ITGA4: variants seen among roughly 807,000 people sequenced by gnomAD.
The protein encoded by ITGA4 is integrin alpha-4.
Under a neutral mutation model 133.6 loss-of-function variants are expected in ITGA4, and 63 were observed. That is an observed-to-expected ratio of 0.47 (90% CI 0.38 to 0.58). The LOEUF (loss-of-function observed/expected upper bound fraction) is 0.58. Among genes scored for constraint, ITGA4 ranks in the 20% least tolerant of loss-of-function variants. The probability of loss-of-function intolerance (pLI) is 0.00; values close to 1 mark genes in which losing one functional copy is unlikely to be tolerated. For missense variants in ITGA4, 1,076 were observed against 1,252.7 expected (o/e 0.86, Z 2.13); for synonymous variants, 483 against 438.0 (o/e 1.10, Z -1.28).
At chr2:181,493,448 G>A (rs754783290) in intron 11 of ITGA4, 29 bp downstream of exon 11, 3 of 1,415,390 alleles carry the variant, frequency 2.1e-6, no homozygotes, top group Admixed American at 3.7e-5. Flanking sequence ...TCCAAAAGAA[G>A]CATTGGTTAT....
chr2:181,523,229 TAC>T lies in ITGA4; in HGVS notation c.2074-206_2074-205del, dbSNP rs918522917. The T allele has an allele frequency of 3.1e-5, 13 of 416,520 alleles. No homozygotes were observed. The highest frequency in any genetic ancestry group is 1.0e-4 in the African/African-American group (5 of 48,296). 25.8% of individuals were successfully genotyped at this position (416,520 alleles called of 1,614,324 possible). ...ACACATATATACACACATATATACATACATATATATACACATACATATATACA... is the reference window on the plus strand; with the variant it reads ...ACACATATATACACACATATATACATATATATATACACATACATATATACA... On this transcript the variant is annotated intron_variant, in intron 18 of 27. Transcript: ENST00000397033. The surrounding 1 kb of genome is among the most constrained non-coding windows in gnomAD (Gnocchi z 4.2).
chr2:181,536,849 A>C lies in ITGA4; in HGVS notation c.*1322A>C. 2.4e-6 allele frequency: 1 copy of C among 424,192 alleles called. No homozygotes were observed. The allele number at this position is 424,192 out of a possible 1,614,324, so 26.3% of individuals were successfully genotyped here. On this transcript the variant is annotated 3_prime_UTR_variant, in exon 28 of 28. Coordinates refer to ENST00000397033, the MANE Select transcript of ITGA4 (RefSeq NM_000885.6). ...TTTTATCTGACTCTGCCTTCATAAGAGAGCTGTGGCCGAATTTTGAACATC... is the reference window on the plus strand; with the variant it reads ...TTTTATCTGACTCTGCCTTCATAAGCGAGCTGTGGCCGAATTTTGAACATC...
chr2:181,471,581 T>C (rs1685552122), intron 2 of ITGA4, among the ~76,000 whole-genome samples: 1 of 152,186 alleles, frequency 6.6e-6, no homozygotes, highest in Admixed American at 6.5e-5. Flanking sequence ...ATAGGAGATA[T>C]TTGAAAATTA....
chr2:181,481,864 A>T (rs756948132), intron 7 of ITGA4, among the ~76,000 whole-genome samples, 181 bp downstream of exon 7: 12 of 152,170 alleles, frequency 7.9e-5, no homozygotes, highest in Non-Finnish European at 1.6e-4. Flanking sequence ...TTAGCAAAAA[A>T]CTTTCTGAAA....
Position 181,537,842 on chromosome 2 carries a change from A to ATTAGGATATCCGT in ITGA4, c.*2318_*2330dup. ...CTAATTGTTAGTAACATCAATTTCTATTAGGATATCCGTTTGGCCACACAG... is the reference window on the plus strand; with the variant it reads ...CTAATTGTTAGTAACATCAATTTCTATTAGGATATCCGTTTAGGATATCCGTTTGGCCACACAG... On this transcript the variant is annotated 3_prime_UTR_variant, in exon 28 of 28. Coordinates refer to ENST00000397033, the MANE Select transcript of ITGA4 (RefSeq NM_000885.6). 2.0e-6 allele frequency: 1 copy of ATTAGGATATCCGT among 492,346 alleles called. No homozygotes were observed. The highest frequency in any genetic ancestry group is 4.0e-6 in the Non-Finnish European group (1 of 252,402). The allele number at this position is 492,346 out of a possible 1,614,324, so 30.5% of individuals were successfully genotyped here.
rs1687169198 is a variant in ITGA4, at chr2:181,537,176, C to G, written c.*1649C>G. On this transcript the variant is annotated 3_prime_UTR_variant, in exon 28 of 28. Transcript: ENST00000397033. The stretch of plus-strand genomic sequence containing the variant: ...GCTAGTCATTCTTTCAGGAGAACAT[C>G]TAGGATCATAGATGAAAAATCAAGC... 1 of 453,890 alleles carries G rather than the reference C, an allele frequency of 2.2e-6. No homozygotes were observed. The highest frequency in any genetic ancestry group is 4.4e-6 in the Non-Finnish European group (1 of 226,642). The allele number at this position is 453,890 out of a possible 1,614,324, so 28.1% of individuals were successfully genotyped here.
chr2:181,503,424 G>A (rs776731032), intron 15 of ITGA4, among the ~76,000 whole-genome samples: 3 of 151,858 alleles, frequency 2.0e-5, no homozygotes, highest in Non-Finnish European at 2.9e-5. Context: ...ATTTTTCTGA[G>A]GCTATGTTTT....
chr2:181,538,001 A>AGAATCTAAT lies in ITGA4; in HGVS notation c.*2476_*2484dup, dbSNP rs1223531588. The AGAATCTAAT allele has an allele frequency of 1.5e-6, 1 of 681,716 alleles. No individual in the cohort carries two copies. The highest frequency in any genetic ancestry group is 2.8e-6 in the Non-Finnish European group (1 of 363,578). 42.2% of individuals were successfully genotyped at this position (681,716 alleles called of 1,614,324 possible). On this transcript the variant is annotated 3_prime_UTR_variant, in exon 28 of 28. Transcript: ENST00000397033. ...GATCTAGAGTGCCATGTTCCTCAAG[A>AGAATCTAAT]GAATCTAATGCCTGATGATCTGAGG...
rs772646230 is a variant in ITGA4 at position 181,535,479 on chromosome 2, CAG to C, written c.3053_3054del (p.Arg1018LysfsTer10). The C allele has an allele frequency of 1.8e-5, 29 of 1,609,182 alleles. No individual in the cohort carries two copies. ...QYKSILQEEN[R>X]RDSWSYINSK... is the part of the protein sequence containing the mutation. ...ACAAATCTATCCTACAAGAAGAAAA[CAG>C]AAGAGACAGTTGGAGTTATATCAAC... On this transcript the variant is annotated frameshift_variant, in exon 28 of 28. Coordinates refer to ENST00000397033, the MANE Select transcript of ITGA4 (RefSeq NM_000885.6). LOFTEE classifies it high-confidence loss of function.
At chr2:181,517,220 G>C (rs79114122) in intron 17 of ITGA4, among the ~76,000 whole-genome samples, 1 of 152,054 alleles carries the variant, frequency 6.6e-6, no homozygotes, top group Non-Finnish European at 1.5e-5. Context: ...TCTTGACATA[G>C]TGAAGTATGG....
rs1686606507 is a variant in ITGA4 at position 181,516,321 on chromosome 2, T to A, written c.1922+4546T>A. On this transcript the variant is annotated intron_variant, in intron 17 of 27. Transcript: ENST00000397033. The surrounding 1 kb of genome is among the most constrained non-coding windows in gnomAD (Gnocchi z 4.0). ...TTTAGAGTAATTAACTAATAGTGAC[T>A]TAAACAATAAAGATATTATTTCGCA... Among the ~76,000 whole-genome samples, 1 of 152,048 alleles carries A rather than the reference T, an allele frequency of 6.6e-6. No individual in the cohort carries two copies. The highest frequency in any genetic ancestry group is 1.5e-5 in the Non-Finnish European group (1 of 67,986).
Position 181,493,250 on chromosome 2 carries a change from T to A in ITGA4, c.1154-75T>A. 3.3e-6 allele frequency: 3 copies of A among 896,800 alleles called. No homozygotes were observed. The South Asian group carries it at 4.4e-5, about 13-fold the overall frequency. 55.6% of individuals were successfully genotyped at this position (896,800 alleles called of 1,614,324 possible). A position where few individuals can be genotyped will look rare whatever the true frequency, so the allele number is the denominator to read the frequency against. ...TTTTCTTATGTGATATGAATTAAGG[T>A]TCATAAGGTTAGTTTTCGAAGTTGC... On this transcript the variant is annotated intron_variant, in intron 10 of 27. Transcript: ENST00000397033.
rs749102860 is a variant in ITGA4, at chr2:181,537,138, T to G, written c.*1611T>G. The G allele has an allele frequency of 1.6e-4, 72 of 453,438 alleles. No individual in the cohort carries two copies. Among genetic ancestry groups the G allele is most frequent in the South Asian group, 1.1e-3 (72 of 64,410 alleles). 28.1% of individuals were successfully genotyped at this position (453,438 alleles called of 1,614,324 possible). A position where few individuals can be genotyped will look rare whatever the true frequency, so the allele number is the denominator to read the frequency against. On this transcript the variant is annotated 3_prime_UTR_variant, in exon 28 of 28. Transcript: ENST00000397033. ...TTATGTATTTTTAAAAAACTTTGTA[T>G]CGTTATAAAAAGGCTAGTCATTCTT...
At chr2:181,472,125 A>T (rs913707953) in intron 2 of ITGA4, among the ~76,000 whole-genome samples, 1 of 152,198 alleles carries the variant, frequency 6.6e-6, no homozygotes, top group Non-Finnish European at 1.5e-5. Context: ...TGACATTGTG[A>T]TGTTACCTGA....
At chr2:181,499,142 A>G (rs1686217555) in intron 15 of ITGA4, among the ~76,000 whole-genome samples, 1 of 152,064 alleles carries the variant, frequency 6.6e-6, no homozygotes, top group African/African-American at 2.4e-5. Flanking sequence ...GGGGTGGGTC[A>G]GGGGAGGCAG....
Position 181,457,825 on chromosome 2 carries a change from G to C in ITGA4, c.171G>C (p.Val57=). ...ACACGCTGTTCGGCTACTCGGTCGT[G>C]CTGCACAGCCACGGGGCGAACCGAT... ...PHNTLFGYSV[V]LHSHGANRWL... The change falls in exon 1 of 28, where the codon GTG becomes GTC. Residue 57 remains valine, a synonymous_variant. Transcript: ENST00000397033. 6.2e-7 allele frequency: 1 copy of C among 1,613,302 alleles called. No homozygotes were observed. The highest frequency in any genetic ancestry group is 8.5e-7 in the Non-Finnish European group (1 of 1,179,754).
At chr2:181,486,164 C>A in intron 10 of ITGA4, 172 bp downstream of exon 10, 1 of 722,320 alleles carries the variant, frequency 1.4e-6, no homozygotes, top group South Asian at 2.4e-5. Context: ...CAATTGTCAC[C>A]CATTGATCTT....
Position 181,536,823 on chromosome 2 carries a change from A to G in ITGA4, c.*1296A>G, listed in dbSNP as rs980364044. ...ATGATCTAGATAATTGCAGAATATC[A>G]TTTTATCTGACTCTGCCTTCATAAG... On this transcript the variant is annotated 3_prime_UTR_variant, in exon 28 of 28. Coordinates refer to ENST00000397033, the MANE Select transcript of ITGA4 (RefSeq NM_000885.6). 2.6e-5 allele frequency: 9 copies of G among 340,510 alleles called. No individual in the cohort carries two copies. Among genetic ancestry groups the G allele is most frequent in the African/African-American group, 1.5e-4 (7 of 46,424 alleles). 21.1% of individuals were successfully genotyped at this position (340,510 alleles called of 1,614,324 possible). A position where few individuals can be genotyped will look rare whatever the true frequency, so the allele number is the denominator to read the frequency against.
chr2:181,487,429 G>A (rs3770121), intron 10 of ITGA4, among the ~76,000 whole-genome samples: 1,794 of 152,200 alleles, frequency 0.012, 39 homozygotes, highest in East Asian at 0.1. Context: ...CACTGCTGCC[G>A]TCACTCGTCA....
Sources: allele counts gnomAD v4.1 joint callset (sites outside exome capture counted in the v4.1 genomes callset), GRCh38; gene constraint gnomAD v4.1.1; non-coding constraint Gnocchi (gnomAD v3.1); transcripts MANE v1.5; gene names NCBI Gene and HGNC (gene_info 2026-07-23, HGNC 2026-07-21).